Variants in ZNF804A observed in about 807,000 individuals in gnomAD.
The protein encoded by ZNF804A is zinc finger protein 804A.
In ZNF804A, 2 loss-of-function variants were observed where a neutral mutation model predicts 16.5. The observed-to-expected ratio is 0.12, with a 90% confidence interval of 0.05 to 0.38. The LOEUF (loss-of-function observed/expected upper bound fraction) is 0.38, where lower values mean the gene tolerates loss of function less well. Ranked by LOEUF, ZNF804A falls within the 10% of genes least tolerant of loss-of-function variation. The pLI is 0.99. For synonymous variants in ZNF804A, 534 were observed against 489.6 expected, an observed-to-expected ratio of 1.09 and a Z score of -1.20; for missense variants, 1,473 against 1,390.7, an observed-to-expected ratio of 1.06 and a Z score of -0.94.
intron 1 of ZNF804A, among the ~76,000 whole-genome samples, chr2:184,855,736 T>C (rs1465716418): frequency 2.6e-5 from 4 of 151,946 alleles, no homozygotes; most frequent in Non-Finnish European, 5.9e-5. Flanking sequence ...ATGGACGCCA[T>C]ATATTCTGTT....
chr2:184,696,520 G>A (rs1225591523), intron 1 of ZNF804A, among the ~76,000 whole-genome samples: 1 of 152,062 alleles, frequency 6.6e-6, no homozygotes, highest in Admixed American at 6.6e-5. Flanking sequence ...GAGTTTCTGG[G>A]AATGCCACCT....
intron 1 of ZNF804A, among the ~76,000 whole-genome samples, chr2:184,686,360 G>A (rs549625048): frequency 1.8e-4 from 27 of 152,282 alleles, no homozygotes; most frequent in African/African-American, 4.6e-4. Flanking sequence ...CTCAGTGGCC[G>A]CTCCAGACAG....
chr2:184,685,902 G>A (rs1191117565), intron 1 of ZNF804A, among the ~76,000 whole-genome samples: 1 of 152,194 alleles, frequency 6.6e-6, no homozygotes, highest in Non-Finnish European at 1.5e-5. Flanking sequence ...CATGCCAAGG[G>A]GTGCCTGCAG....
chr2:184,781,756 G>A (rs1694375394), intron 1 of ZNF804A, among the ~76,000 whole-genome samples: 1 of 151,798 alleles, frequency 6.6e-6, no homozygotes, highest in African/African-American at 2.4e-5. Flanking sequence ...TTGTGCAAGA[G>A]AAAACAATCT....
At chr2:184,714,464 T>A (rs1559133173) in intron 1 of ZNF804A, among the ~76,000 whole-genome samples, 1 of 152,248 alleles carries the variant, frequency 6.6e-6, no homozygotes, top group Admixed American at 6.6e-5. Flanking sequence ...ATATTTACAT[T>A]TGTTCAGTAA....
At chr2:184,792,914 A>C (rs1694572384) in intron 1 of ZNF804A, among the ~76,000 whole-genome samples, 1 of 152,036 alleles carries the variant, frequency 6.6e-6, no homozygotes, top group Admixed American at 6.6e-5. Context: ...TTTTTAACCC[A>C]GCCCTCCCTC....
At chr2:184,730,452 T>G (rs1693495459) in intron 1 of ZNF804A, among the ~76,000 whole-genome samples, 1 of 152,200 alleles carries the variant, frequency 6.6e-6, no homozygotes, top group South Asian at 2.1e-4. Flanking sequence ...TTTTGACAAA[T>G]GTATAATGAC....
At chr2:184,718,782 G>A (rs545913922) in intron 1 of ZNF804A, among the ~76,000 whole-genome samples, 2 of 152,258 alleles carry the variant, frequency 1.3e-5, no homozygotes, top group East Asian at 3.9e-4. Flanking sequence ...CTCCCTCCTG[G>A]CTGCTTTGAC....
chr2:184,731,564 CT>C (rs34877709), intron 1 of ZNF804A, among the ~76,000 whole-genome samples: 10,131 of 84,864 alleles, frequency 0.12, 245 homozygotes, highest in African/African-American at 0.27. Context: ...GTCTTTAACG[CT>C]TTTTTTTTTT....
chr2:184,677,600 A>G (rs559027146), intron 1 of ZNF804A, among the ~76,000 whole-genome samples: 1 of 152,046 alleles, frequency 6.6e-6, no homozygotes, highest in Admixed American at 6.5e-5. Context: ...AATTTATAAC[A>G]TCAAGGTATT....
intron 1 of ZNF804A, among the ~76,000 whole-genome samples, chr2:184,623,225 T>C (rs1284938336): frequency 6.6e-6 from 1 of 151,966 alleles, no homozygotes; most frequent in Non-Finnish European, 1.5e-5. Context: ...CATAAAATAC[T>C]ACAAAATAAA....
chr2:184,714,630 G>A (rs924441173), intron 1 of ZNF804A, among the ~76,000 whole-genome samples: 110 of 152,004 alleles, frequency 7.2e-4, no homozygotes, highest in Non-Finnish European at 2.4e-4. Flanking sequence ...TTGCTGTAGT[G>A]TTGTGAATGA....
chr2:184,696,721 C>T (rs1470493120), intron 1 of ZNF804A, among the ~76,000 whole-genome samples: 2 of 151,866 alleles, frequency 1.3e-5, no homozygotes, highest in South Asian at 2.1e-4. Flanking sequence ...AAAATACCAC[C>T]CTTAGTTAAT....
At chr2:184,831,885 A>G (rs537528795) in intron 1 of ZNF804A, among the ~76,000 whole-genome samples, 2 of 152,190 alleles carry the variant, frequency 1.3e-5, no homozygotes, top group African/African-American at 4.8e-5. Context: ...TATAAATGGA[A>G]CCTTGCATTT....
At chr2:184,833,871 T>C (rs1019246154) in intron 1 of ZNF804A, among the ~76,000 whole-genome samples, 1 of 152,050 alleles carries the variant, frequency 6.6e-6, no homozygotes, top group African/African-American at 2.4e-5. Flanking sequence ...ACCACAGAAC[T>C]TAGAGTATAA....
intron 1 of ZNF804A, among the ~76,000 whole-genome samples, chr2:184,756,055 C>G (rs1304573267): frequency 6.6e-6 from 1 of 151,920 alleles, no homozygotes; most frequent in Non-Finnish European, 1.5e-5. Context: ...TAAATATTGG[C>G]TCAGGAAATA....
chr2:184,702,118 C>G (rs1574169991), intron 1 of ZNF804A, among the ~76,000 whole-genome samples: 1 of 151,962 alleles, frequency 6.6e-6, no homozygotes, highest in East Asian at 1.9e-4. Context: ...TACTTGTTTT[C>G]TTTTTAAAGA....
At chr2:184,835,554 T>C (rs1182792256) in intron 1 of ZNF804A, among the ~76,000 whole-genome samples, 1 of 151,042 alleles carries the variant, frequency 6.6e-6, no homozygotes, top group African/African-American at 2.4e-5. Context: ...TGGTCCAGAG[T>C]CCAAGCCCTG....
intron 1 of ZNF804A, among the ~76,000 whole-genome samples, chr2:184,783,719 C>T (rs1694407003): frequency 6.6e-6 from 1 of 151,942 alleles, no homozygotes; most frequent in Non-Finnish European, 1.5e-5. Flanking sequence ...GCCACGTATT[C>T]CACAGTGCCC....
Sources: gnomAD v4.1 joint callset for allele counts (sites outside exome capture counted in the v4.1 genomes callset) on GRCh38, gnomAD v4.1.1 for gene constraint, MANE v1.5 for transcripts, NCBI Gene and HGNC (gene_info 2026-07-23, HGNC 2026-07-21) for gene names.